The following MEGF11 variants were observed in gnomAD, a reference collection of about 807,000 sequenced individuals.
MEGF11 encodes the protein multiple EGF like domains 11.
MEGF11 carries 126 observed loss-of-function variants against 146.6 expected under a neutral mutation model. That is an observed-to-expected ratio of 0.86 (90% CI 0.74 to 1.00). The LOEUF (loss-of-function observed/expected upper bound fraction) is 1.00. MEGF11 is among the 50% of genes least tolerant of loss of function. The probability of loss-of-function intolerance (pLI) is 0.00; values close to 1 mark genes in which losing one functional copy is unlikely to be tolerated. For missense variants in MEGF11, 1,509 were observed against 1,521.2 expected, an observed-to-expected ratio of 0.99 and a Z score of 0.13; for synonymous variants, 532 against 583.4, an observed-to-expected ratio of 0.91 and a Z score of 1.27.
chr15:65,978,498 C>A (rs2081524772), intron 7 of MEGF11, among the ~76,000 whole-genome samples: 1 of 152,218 alleles, frequency 6.6e-6, no homozygotes, highest in Admixed American at 6.5e-5. Flanking sequence ...TCTTGCTGTG[C>A]TGGGGAGAAA....
At chr15:66,031,156 T>C (rs567330173) in intron 5 of MEGF11, among the ~76,000 whole-genome samples, 19 of 152,324 alleles carry the variant, frequency 1.2e-4, no homozygotes, top group Admixed American at 2.0e-4. Flanking sequence ...CCTCTTTTGA[T>C]GGGGTCTGTC....
chr15:66,091,609 G>A (rs909775596), intron 5 of MEGF11, among the ~76,000 whole-genome samples: 1 of 152,176 alleles, frequency 6.6e-6, no homozygotes, highest in African/African-American at 2.4e-5. Flanking sequence ...TTGCTCCTTT[G>A]TAAAATGGGG....
At chr15:66,224,519 G>A (rs553964965) in intron 1 of MEGF11, among the ~76,000 whole-genome samples, 2 of 151,514 alleles carry the variant, frequency 1.3e-5, no homozygotes, top group South Asian at 4.2e-4. Context: ...GGGAGGCGGA[G>A]TTTGCAGTGA....
chr15:66,237,154 A>G (rs1434202023), intron 1 of MEGF11, among the ~76,000 whole-genome samples: 1 of 152,102 alleles, frequency 6.6e-6, no homozygotes, highest in Non-Finnish European at 1.5e-5. Context: ...CGTTATCTTC[A>G]TTCCCAAGTC....
intron 5 of MEGF11, among the ~76,000 whole-genome samples, chr15:65,988,731 C>T (rs1217198560): frequency 2.0e-5 from 3 of 152,250 alleles, no homozygotes; most frequent in African/African-American, 7.2e-5. Flanking sequence ...GTTTAGGTGC[C>T]TGTGCCCAGT....
chr15:66,160,004 G>A (rs1056977016), intron 1 of MEGF11, among the ~76,000 whole-genome samples: 4 of 152,020 alleles, frequency 2.6e-5, no homozygotes, highest in East Asian at 1.9e-4. Context: ...TGATGTGGTC[G>A]CTCCCTCTCC....
intron 1 of MEGF11, among the ~76,000 whole-genome samples, chr15:66,240,260 T>C (rs2092183317): frequency 6.6e-6 from 1 of 152,180 alleles, no homozygotes; most frequent in Non-Finnish European, 1.5e-5. Flanking sequence ...GAAGATGAGA[T>C]CTTGCCAACC....
At chr15:66,177,568 T>C (rs1461066003) in intron 1 of MEGF11, among the ~76,000 whole-genome samples, 1 of 152,120 alleles carries the variant, frequency 6.6e-6, no homozygotes, top group Non-Finnish European at 1.5e-5. Flanking sequence ...CGGCTGTTTT[T>C]GTTTTTTTTT....
chr15:66,153,994 AG>A (rs1403547793), intron 1 of MEGF11, among the ~76,000 whole-genome samples: 1 of 152,158 alleles, frequency 6.6e-6, no homozygotes, highest in Non-Finnish European at 1.5e-5. Context: ...CAACAGCTGC[AG>A]GGGGGCACTG....
rs1162018803 is a variant in MEGF11, at chr15:65,916,886, G to T, written c.2157C>A (p.Ser719Arg). The change falls in exon 17 of 26, where the codon AGC becomes AGA. Residue 719 changes from serine to arginine, a missense_variant. Coordinates refer to ENST00000395614, the MANE Select transcript of MEGF11 (RefSeq NM_001385028.1). ...TGCAGTGGCAGGCCCCGTCCTCGGC[G>T]CTGCAGCTCGCCCCGTTGTGGCAGC... ...ACSCHNGASC[S>R]AEDGACHCTP... The T allele has an allele frequency of 1.8e-5, 28 of 1,585,288 alleles. No homozygotes were observed. The highest frequency in any genetic ancestry group is 2.3e-5 in the Non-Finnish European group (27 of 1,164,960).
At chr15:65,910,966 G>C (rs1321327914) in intron 21 of MEGF11, among the ~76,000 whole-genome samples, 1 of 152,156 alleles carries the variant, frequency 6.6e-6, no homozygotes, top group African/African-American at 2.4e-5. Flanking sequence ...CTGTCCTTGG[G>C]GGCTGTTCTT....
At chr15:66,129,131 G>A (rs2088530539) in intron 1 of MEGF11, among the ~76,000 whole-genome samples, 1 of 152,224 alleles carries the variant, frequency 6.6e-6, no homozygotes, top group African/African-American at 2.4e-5. Flanking sequence ...GCAGGTATGT[G>A]CCTACGTGGG....
intron 10 of MEGF11, among the ~76,000 whole-genome samples, chr15:65,935,260 C>T (rs982738486): frequency 7.8e-6 from 1 of 127,474 alleles, no homozygotes; most frequent in African/African-American, 3.0e-5. Context: ...GTGGAGATTG[C>T]AGTGAGCCGA....
chr15:66,207,017 T>C (rs2091316422), intron 1 of MEGF11, among the ~76,000 whole-genome samples: 1 of 151,932 alleles, frequency 6.6e-6, no homozygotes, highest in Admixed American at 6.6e-5. Flanking sequence ...CTAGTCGGAA[T>C]GGAAAAGAAT....
At chr15:65,976,580 G>A (rs958888875) in intron 7 of MEGF11, among the ~76,000 whole-genome samples, 1 of 152,198 alleles carries the variant, frequency 6.6e-6, no homozygotes, top group African/African-American at 2.4e-5. Flanking sequence ...AGGAACCAAC[G>A]CTGCCGACAC....
rs1173727575 is a variant in MEGF11, at chr15:66,048,057, T to C, written c.394+46345A>G. ...GCCTCCTGGGTTCAAGTGATTCTCCTGCCTCAGCCTCCCTAGAAGCTGGGA... is the reference window on the plus strand; with the variant it reads ...GCCTCCTGGGTTCAAGTGATTCTCCCGCCTCAGCCTCCCTAGAAGCTGGGA... On this transcript the variant is annotated intron_variant, in intron 5 of 25. Coordinates refer to ENST00000395614, the MANE Select transcript of MEGF11 (RefSeq NM_001385028.1). Among the ~76,000 whole-genome samples the C allele has an allele frequency of 2.0e-5, 3 of 151,754 alleles. No homozygotes were observed. The East Asian group carries it at 5.9e-4, about 30-fold the overall frequency.
intron 5 of MEGF11, among the ~76,000 whole-genome samples, chr15:65,991,574 T>C (rs2082045171): frequency 6.6e-6 from 1 of 152,162 alleles, no homozygotes; most frequent in Admixed American, 6.5e-5. Context: ...CCGACACACA[T>C]ACACACAATT....
At chr15:65,930,485 C>T (rs2079537457) in intron 11 of MEGF11, among the ~76,000 whole-genome samples, 1 of 152,158 alleles carries the variant, frequency 6.6e-6, no homozygotes, top group African/African-American at 2.4e-5. Context: ...TACCAGGTGG[C>T]CCTCACTCCC....
intron 1 of MEGF11, among the ~76,000 whole-genome samples, chr15:66,140,759 G>A (rs2089107949): frequency 6.6e-6 from 1 of 152,196 alleles, no homozygotes; most frequent in African/African-American, 2.4e-5. Flanking sequence ...GAGGCCGGTG[G>A]GAGGCCAGCC....
Sources: allele counts gnomAD v4.1 joint callset (sites outside exome capture counted in the v4.1 genomes callset), GRCh38; gene constraint gnomAD v4.1.1; transcripts MANE v1.5; gene names NCBI Gene and HGNC (gene_info 2026-07-23, HGNC 2026-07-21).